SEMA3A: variants seen among roughly 807,000 people sequenced by gnomAD.
SEMA3A encodes the protein semaphorin 3A.
SEMA3A carries 29 observed loss-of-function variants against 97.9 expected under a neutral mutation model. The ratio of observed to expected loss-of-function variants is 0.30; its 90% CI spans 0.22 to 0.40. The LOEUF (loss-of-function observed/expected upper bound fraction) is 0.40. Among genes scored for constraint, SEMA3A ranks in the 10% least tolerant of loss-of-function variants. SEMA3A has a pLI of 1.00. For synonymous variants in SEMA3A, 321 were observed against 323.7 expected (o/e 0.99, Z 0.09); for missense variants, 763 against 951.3 (o/e 0.80, Z 2.60).
At chr7:84,048,426 A>T (rs1206299421) in intron 5 of SEMA3A, among the ~76,000 whole-genome samples, 1 of 152,020 alleles carries the variant, frequency 6.6e-6, no homozygotes, top group Non-Finnish European at 1.5e-5. Flanking sequence ...ATTAAGGGTA[A>T]TATCTAATTT....
At chr7:84,448,816 A>G (rs1467964610) in intron 1 of SEMA3A, among the ~76,000 whole-genome samples, 1 of 152,144 alleles carries the variant, frequency 6.6e-6, no homozygotes, top group African/African-American at 2.4e-5. Context: ...CATGTGCATG[A>G]AAGCACAAAA....
At chr7:84,281,574 T>G (rs1313849593) in intron 3 of SEMA3A, among the ~76,000 whole-genome samples, 1 of 152,224 alleles carries the variant, frequency 6.6e-6, no homozygotes, top group Non-Finnish European at 1.5e-5. Flanking sequence ...GGGTTTCTTT[T>G]ATTAAAACTG....
intron 13 of SEMA3A, among the ~76,000 whole-genome samples, chr7:83,984,495 C>T (rs1310134606): frequency 6.6e-6 from 1 of 151,532 alleles, no homozygotes; most frequent in East Asian, 1.9e-4. Flanking sequence ...AGAGATAAAA[C>T]ATGTAAACAG....
At chr7:84,136,800 C>T (rs1037403062) in intron 1 of SEMA3A, among the ~76,000 whole-genome samples, 1 of 151,804 alleles carries the variant, frequency 6.6e-6, no homozygotes, top group African/African-American at 2.4e-5. Flanking sequence ...ATCCTATAGA[C>T]AAAAATTGTT....
intron 1 of SEMA3A, among the ~76,000 whole-genome samples, chr7:84,491,884 T>A (rs1806743579): frequency 6.6e-6 from 1 of 152,186 alleles, no homozygotes; most frequent in Non-Finnish European, 1.5e-5. Context: ...GTTTTGTTTG[T>A]TTTAAATACT....
upstream of SEMA3A, among the ~76,000 whole-genome samples, chr7:84,196,459 G>A (rs556752596): frequency 6.6e-6 from 1 of 152,250 alleles, no homozygotes; most frequent in Non-Finnish European, 1.5e-5. Flanking sequence ...GATTTAAAGA[G>A]GGGGAGAATG....
At chr7:84,124,168 A>C (rs1158484955) in intron 3 of SEMA3A, among the ~76,000 whole-genome samples, 3 of 152,148 alleles carry the variant, frequency 2.0e-5, no homozygotes, top group African/African-American at 4.8e-5. Context: ...GCCCACTCTA[A>C]AAGTGCATAA....
chr7:83,962,442 C>T (rs73394441), intron 16 of SEMA3A, among the ~76,000 whole-genome samples: 2,783 of 152,096 alleles, frequency 0.018, 83 homozygotes, highest in African/African-American at 0.063. Flanking sequence ...ATCAATCTTG[C>T]ATTTTATGAT....
At position 84,005,376 on chromosome 7, in the gene SEMA3A, T is replaced by G; in HGVS notation, c.1323A>C (p.Ala441=). The part of the protein sequence containing the change: ...FTQIVVDRVD[A]EDGQYDVMFI... ...ACATAACATCATACTGTCCATCTTC[T>G]GCATCCACTCGGTCTACGACAATTT... Residue 441 remains alanine (A), a synonymous_variant, in exon 11 of 17, where the codon GCA becomes GCC. Coordinates refer to ENST00000265362, the MANE Select transcript of SEMA3A (RefSeq NM_006080.3). The G allele has an allele frequency of 6.2e-7, 1 of 1,613,822 alleles. No homozygotes were observed. Among genetic ancestry groups the G allele is most frequent in the Non-Finnish European group, 8.5e-7 (1 of 1,179,788 alleles).
chr7:84,403,618 C>G (rs1156960086), intron 1 of SEMA3A, among the ~76,000 whole-genome samples: 1 of 152,142 alleles, frequency 6.6e-6, no homozygotes, highest in African/African-American at 2.4e-5. Flanking sequence ...CCCTGACCCC[C>G]GAGCAGCCTA....
intron 1 of SEMA3A, among the ~76,000 whole-genome samples, chr7:84,460,586 T>C (rs1179774280): frequency 6.6e-6 from 1 of 152,214 alleles, no homozygotes; most frequent in Admixed American, 6.5e-5. Flanking sequence ...TATTCACAAT[T>C]TAAAGGTATA....
chr7:84,367,878 T>C (rs1033059975), intron 2 of SEMA3A, among the ~76,000 whole-genome samples: 1 of 151,200 alleles, frequency 6.6e-6, no homozygotes, highest in Non-Finnish European at 1.5e-5. Context: ...TACAATTCTG[T>C]TTATCTAAAA....
rs139706846 is a variant in SEMA3A at position 84,295,202 on chromosome 7, T to G, written c.-83+12005A>C. Among the ~76,000 whole-genome samples the G allele has an allele frequency of 8.3e-4, 126 of 152,172 alleles. 1 individual carries two copies. The highest frequency in any genetic ancestry group is 2.8e-3 in the African/African-American group (117 of 41,548). The stretch of plus-strand genomic sequence containing the variant: ...CTTTGTAGTCTAGACTAGCAATTGG[T>G]CTAGAATATTTCTATAAGACAATGG... On this transcript the variant is annotated intron_variant, in intron 3 of 3. Transcript: ENST00000424555.
At chr7:84,029,810 TAC>T (rs34158057) in intron 6 of SEMA3A, among the ~76,000 whole-genome samples, 25,031 of 116,522 alleles carry the variant, frequency 0.21, 2,447 homozygotes, top group East Asian at 0.56. Flanking sequence ...CCCTTCCATA[TAC>T]ACACACACAC....
chr7:84,244,008 C>T (rs1485274556), intron 3 of SEMA3A, among the ~76,000 whole-genome samples: 2 of 152,124 alleles, frequency 1.3e-5, no homozygotes, highest in Non-Finnish European at 2.9e-5. Flanking sequence ...GAGTGTTTTA[C>T]TTCCAATAAT....
intron 2 of SEMA3A, among the ~76,000 whole-genome samples, chr7:84,362,318 G>C (rs1802745630): frequency 6.6e-6 from 1 of 151,874 alleles, no homozygotes; most frequent in Non-Finnish European, 1.5e-5. Flanking sequence ...ACATCACAGT[G>C]GTGTTGAGAT....
At chr7:84,114,978 T>A (rs1795382111) in intron 3 of SEMA3A, among the ~76,000 whole-genome samples, 1 of 152,142 alleles carries the variant, frequency 6.6e-6, no homozygotes, top group Admixed American at 6.6e-5. Flanking sequence ...ACACTCATCT[T>A]TTTAAGTGAT....
chr7:84,368,469 A>C (rs1034912856), intron 2 of SEMA3A, among the ~76,000 whole-genome samples: 1 of 151,080 alleles, frequency 6.6e-6, no homozygotes, highest in African/African-American at 2.4e-5. Context: ...ATCACTTAAA[A>C]ATTATATCAG....
intron 3 of SEMA3A, among the ~76,000 whole-genome samples, chr7:84,244,109 T>C (rs1199151456): frequency 6.6e-6 from 1 of 152,158 alleles, no homozygotes; most frequent in Non-Finnish European, 1.5e-5. Context: ...TGTCTATAGG[T>C]CCCCTTGGTC....
Sources: allele counts gnomAD v4.1 joint callset (sites outside exome capture counted in the v4.1 genomes callset), GRCh38; gene constraint gnomAD v4.1.1; transcripts MANE v1.5; gene names NCBI Gene and HGNC (gene_info 2026-07-23, HGNC 2026-07-21).